ARMH3: variants seen among roughly 807,000 people sequenced by gnomAD.
ARMH3 encodes the protein armadillo-like helical domain-containing protein 3.
Under a neutral mutation model 99.1 loss-of-function variants are expected in ARMH3, and 60 were observed. That is an observed-to-expected ratio of 0.61 (90% CI 0.49 to 0.75). The LOEUF is 0.75. Ranked by LOEUF, ARMH3 falls within the 30% of genes least tolerant of loss-of-function variation. The pLI is 0.00. For missense variants in ARMH3, 679 were observed against 843.1 expected (o/e 0.81, Z 2.41); for synonymous variants, 285 against 292.8 (o/e 0.97, Z 0.27).
intron 19 of ARMH3, among the ~76,000 whole-genome samples, chr10:101,987,869 T>A (rs1846584138): frequency 2.0e-5 from 3 of 152,222 alleles, no homozygotes; most frequent in African/African-American, 7.2e-5. Flanking sequence ...CTGGTCATCA[T>A]CTTATTTTAA....
At chr10:101,916,362 C>A (rs916327319) in intron 23 of ARMH3, among the ~76,000 whole-genome samples, 7 of 152,068 alleles carry the variant, frequency 4.6e-5, no homozygotes, top group Admixed American at 3.9e-4. Flanking sequence ...ACCTACCCCC[C>A]ACCCCCATCC....
At chr10:102,050,914 T>G (rs2067686855) in intron 1 of ARMH3, among the ~76,000 whole-genome samples, 1 of 147,500 alleles carries the variant, frequency 6.8e-6, no homozygotes, top group Non-Finnish European at 1.5e-5. Flanking sequence ...TCTCAGCACT[T>G]TGGGAGGCCG....
At chr10:101,934,042 C>G (rs980965302) in intron 23 of ARMH3, among the ~76,000 whole-genome samples, 4 of 152,212 alleles carry the variant, frequency 2.6e-5, no homozygotes, top group Admixed American at 2.0e-4. Context: ...CACATCCCTT[C>G]CTAACCCTAA....
At chr10:101,993,910 C>T (rs935405669) in intron 16 of ARMH3, among the ~76,000 whole-genome samples, 2 of 152,164 alleles carry the variant, frequency 1.3e-5, no homozygotes, top group African/African-American at 4.8e-5. Context: ...TTCCCTCTTC[C>T]GTCCCATCTG....
chr10:101,991,987 A>C lies in ARMH3; in HGVS notation c.1327T>G (p.Leu443Val). 1.2e-6 allele frequency: 2 copies of C among 1,614,060 alleles called. No individual in the cohort carries two copies. The highest frequency in any genetic ancestry group is 1.7e-6 in the Non-Finnish European group (2 of 1,179,920). The stretch of plus-strand genomic sequence containing the variant: ...CACTCACCCAGTACTGCACATACTA[A>C]AGGACGGCAGGGAAGATTCTTGTCT... ...AADKNLPCRP[L>V]VCAVLDLMVE... Residue 443 changes from leucine to valine, a missense_variant, in exon 18 of 26, where the codon TTA becomes GTA. Transcript: ENST00000370033.
At chr10:101,902,008 G>A (rs750281718) in intron 23 of ARMH3, among the ~76,000 whole-genome samples, 19 of 152,126 alleles carry the variant, frequency 1.2e-4, no homozygotes, top group Non-Finnish European at 2.1e-4. Context: ...TAATGAGTTA[G>A]CACCAAAGCT....
intron 5 of ARMH3, among the ~76,000 whole-genome samples, chr10:102,026,519 T>C (rs955325038): frequency 9.2e-5 from 14 of 152,102 alleles, no homozygotes; most frequent in African/African-American, 3.1e-4. Context: ...GAAAATTCAA[T>C]AGGAATTGGG....
intron 20 of ARMH3, among the ~76,000 whole-genome samples, chr10:101,972,091 C>T (rs1325658123): frequency 1.3e-5 from 2 of 152,218 alleles, no homozygotes; most frequent in Admixed American, 6.5e-5. Flanking sequence ...GATCAGGGCT[C>T]GTATCTGTAA....
In ARMH3 at chr10:101,946,071, C is replaced by CAAAAAAAAAAAA. The variant is rs569179050; in HGVS notation, c.1706-6145_1706-6134dup. Among the ~76,000 whole-genome samples the CAAAAAAAAAAAA allele has an allele frequency of 4.6e-4, 16 of 34,486 alleles. 1 individual carries two copies. Among genetic ancestry groups the CAAAAAAAAAAAA allele is most frequent in the African/African-American group, 2.9e-3 (12 of 4,172 alleles). The allele number at this position is 34,486 out of a possible 152,430, so 22.6% of individuals were successfully genotyped here. ...TGGGCGACAGAGTAAGACTCTGCCT[C>CAAAAAAAAAAAA]AAAAAAAAAAAAAAAAAAAAAAAAA... is the stretch of plus-strand genomic sequence containing the variant. On this transcript the variant is annotated intron_variant, in intron 22 of 25. Coordinates refer to ENST00000370033, the MANE Select transcript of ARMH3 (RefSeq NM_024541.3).
chr10:101,862,195 C>T (rs1367896272), intron 24 of ARMH3, among the ~76,000 whole-genome samples: 6 of 151,214 alleles, frequency 4.0e-5, no homozygotes, highest in African/African-American at 1.5e-4. Context: ...AAATGTATGA[C>T]AACAATAGTA....
At chr10:102,050,067 C>T (rs1372696251) in intron 1 of ARMH3, among the ~76,000 whole-genome samples, 1 of 151,680 alleles carries the variant, frequency 6.6e-6, no homozygotes, top group Non-Finnish European at 1.5e-5. Flanking sequence ...CGCTTGAACC[C>T]GGGAGGCGGT....
At chr10:102,038,703 T>C (rs1268400319) in intron 2 of ARMH3, among the ~76,000 whole-genome samples, 1 of 152,074 alleles carries the variant, frequency 6.6e-6, no homozygotes, top group Non-Finnish European at 1.5e-5. Context: ...ACATTTAGAA[T>C]GCTCCAGGCA....
chr10:101,998,621 T>C (rs1847166928), intron 15 of ARMH3, among the ~76,000 whole-genome samples: 2 of 152,234 alleles, frequency 1.3e-5, no homozygotes, highest in African/African-American at 4.8e-5. Flanking sequence ...CAATTCTTCA[T>C]TTCCCATACT....
At chr10:102,022,860 G>A (rs1310997779) in intron 8 of ARMH3, among the ~76,000 whole-genome samples, 2 of 150,710 alleles carry the variant, frequency 1.3e-5, no homozygotes, top group East Asian at 2.0e-4. Context: ...GATTACAGGC[G>A]TGAGCCACCG....
intron 16 of ARMH3, 138 bp from the exon 17 acceptor site, chr10:101,993,741 G>C: frequency 1.9e-6 from 1 of 527,904 alleles, no homozygotes; most frequent in Non-Finnish European, 3.3e-6. Flanking sequence ...TGAGCCTAGA[G>C]CCTTATGTCA....
At chr10:102,007,111 A>G (rs2066511303) in intron 13 of ARMH3, among the ~76,000 whole-genome samples, 1 of 138,352 alleles carries the variant, frequency 7.2e-6, no homozygotes, top group African/African-American at 2.7e-5. Context: ...CAGTGAGGTG[A>G]TATCACGCCA....
intron 1 of ARMH3, among the ~76,000 whole-genome samples, chr10:102,040,436 A>C (rs1285927072): frequency 1.3e-5 from 2 of 152,230 alleles, no homozygotes; most frequent in Non-Finnish European, 2.9e-5. Context: ...AAAAAAATTA[A>C]ATCTTAGAAA....
intron 24 of ARMH3, among the ~76,000 whole-genome samples, chr10:101,858,457 AAAGCACTTAAG>A (rs1367129399): frequency 2.0e-5 from 3 of 152,234 alleles, no homozygotes; most frequent in Non-Finnish European, 4.4e-5. Flanking sequence ...TGGCACACAG[AAAGCACTTAAG>A]AAGTGTAGCT....
chr10:101,994,774 C>T (rs1408599295), intron 16 of ARMH3, among the ~76,000 whole-genome samples: 2 of 152,176 alleles, frequency 1.3e-5, no homozygotes, highest in Non-Finnish European at 2.9e-5. Context: ...TGGTGGCTCA[C>T]GCCTGTAATC....
Sources: gnomAD v4.1 joint callset for allele counts (sites outside exome capture counted in the v4.1 genomes callset) on GRCh38, gnomAD v4.1.1 for gene constraint, MANE v1.5 for transcripts, NCBI Gene and HGNC (gene_info 2026-07-23, HGNC 2026-07-21) for gene names.